Variants in HEATR3 observed in about 807,000 individuals in gnomAD.
The protein encoded by HEATR3 is HEAT repeat containing 3.
Under a neutral mutation model 72.8 loss-of-function variants are expected in HEATR3, and 56 were observed. The ratio of observed to expected loss-of-function variants is 0.77; its 90% CI spans 0.62 to 0.96. The LOEUF (loss-of-function observed/expected upper bound fraction) is 0.96, where lower values mean the gene tolerates loss of function less well. HEATR3 is among the 40% of genes least tolerant of loss of function. The probability of loss-of-function intolerance (pLI) is 0.00; values close to 1 mark genes in which losing one functional copy is unlikely to be tolerated. For missense variants in HEATR3, 747 were observed against 831.4 expected (o/e 0.90, Z 1.25); for synonymous variants, 331 against 318.1 (o/e 1.04, Z -0.43).
chr16:50,101,106 CTTTTTTTTTTTTCT>C, intron 13 of HEATR3, among the ~76,000 whole-genome samples: 1 of 144,382 alleles, frequency 6.9e-6, no homozygotes, highest in East Asian at 2.0e-4. Flanking sequence ...ACTTGCAAAG[CTTTTTTTTTTTTCT>C]TTTTTTTTCT....
At chr16:50,091,758 C>T (rs2037116833) in intron 11 of HEATR3, among the ~76,000 whole-genome samples, 1 of 151,240 alleles carries the variant, frequency 6.6e-6, no homozygotes, top group African/African-American at 2.4e-5. Context: ...CCTGTAGTCC[C>T]AGCTACTCGG....
chr16:50,100,639 G>A, intron 13 of HEATR3: 1 of 404,110 alleles, frequency 2.5e-6, no homozygotes, highest in Non-Finnish European at 4.4e-6. Context: ...TGTCTTTAGT[G>A]AAAGGGCAAA....
chr16:50,090,971 C>G (rs996456068), intron 11 of HEATR3, among the ~76,000 whole-genome samples: 1 of 151,570 alleles, frequency 6.6e-6, no homozygotes, highest in East Asian at 1.9e-4. Flanking sequence ...ATGGTGAAAT[C>G]CCGTCTCCAC....
intron 12 of HEATR3, 139 bp from the exon 13 acceptor site, chr16:50,100,091 G>A (rs2037332714): frequency 1.6e-6 from 1 of 643,590 alleles, no homozygotes; most frequent in Non-Finnish European, 2.3e-6. Flanking sequence ...CATATTAATA[G>A]TAACTTACCT....
intron 10 of HEATR3, 72 bp from the exon 11 acceptor site, chr16:50,086,143 C>A (rs923158855): frequency 2.1e-5 from 30 of 1,408,814 alleles, no homozygotes; most frequent in Non-Finnish European, 2.7e-5. Context: ...GAAGCTTAGG[C>A]TAAAAGTTAA....
Position 50,084,595 on chromosome 16 carries a change from C to A in HEATR3, c.1317C>A (p.Asn439Lys). The A allele has an allele frequency of 6.2e-7, 1 of 1,613,090 alleles. No homozygotes were observed. The highest frequency in any genetic ancestry group is 8.5e-7 in the Non-Finnish European group (1 of 1,179,454). Residue 439 changes from asparagine to lysine, a missense_variant, in exon 10 of 15, where the codon AAC becomes AAA. By Grantham distance (94) the Asn-to-Lys change is moderately conservative (BLOSUM62 0). Transcript: ENST00000299192. ...KKIFEKTAFP[N>K]SIAVDLCSRN... ...TTTTTGAGAAAACTGCCTTTCCAAA[C>A]AGCATTGCAGTTGACCTATGTTCTA...
In HEATR3 at chr16:50,105,238, C is replaced by T; in HGVS notation, c.*177C>T. 1 of 588,576 alleles carries T rather than the reference C, an allele frequency of 1.7e-6. No individual in the cohort carries two copies. The highest frequency in any genetic ancestry group is 2.8e-6 in the Non-Finnish European group (1 of 355,388). The allele number at this position is 588,576 out of a possible 1,614,324, so 36.5% of individuals were successfully genotyped here. A position where few individuals can be genotyped will look rare whatever the true frequency, so the allele number is the denominator to read the frequency against. ...GTGGCTCACGCCTATAATCCCAGCA[C>T]CTTGGGAGACCGAGGCGGGTGGATC... On this transcript the variant is annotated 3_prime_UTR_variant, in exon 15 of 15. Transcript: ENST00000299192.
chr16:50,086,150 T>C (rs1190459283), intron 10 of HEATR3, 65 bp from the exon 11 acceptor site: 2 of 1,461,584 alleles, frequency 1.4e-6, no homozygotes, highest in Non-Finnish European at 1.8e-6. Flanking sequence ...AGGCTAAAAG[T>C]TAATACTGAA....
chr16:50,107,195 A>G lies in HEATR3; in HGVS notation c.*2134A>G, dbSNP rs1411733110. Among the ~76,000 whole-genome samples the G allele has an allele frequency of 1.3e-5, 2 of 152,228 alleles. No individual in the cohort carries two copies. Among genetic ancestry groups the G allele is most frequent in the African/African-American group, 2.4e-5 (1 of 41,464 alleles). On this transcript the variant is annotated 3_prime_UTR_variant, in exon 15 of 15. Coordinates refer to ENST00000299192, the MANE Select transcript of HEATR3 (RefSeq NM_182922.4). ...CTGACCTATAAACAATATCCAGGAT[A>G]TTTAGCACAGGACCTAGTATATAGT... is the stretch of plus-strand genomic sequence containing the variant.
intron 11 of HEATR3, among the ~76,000 whole-genome samples, chr16:50,087,169 C>T (rs1465484136): frequency 6.6e-6 from 1 of 151,924 alleles, no homozygotes; most frequent in East Asian, 1.9e-4. Flanking sequence ...CGTGTGTATG[C>T]GGGCATGCGT....
In HEATR3 at chr16:50,068,484, G is replaced by A. The variant is rs564454893; in HGVS notation, c.312-296G>A. Reference sequence around the variant, plus strand: ...TCCAAGAAAAGGTCCCTTCATACATGATGTGATTTATTCACATGAGAAAAG... The same window carrying A: ...TCCAAGAAAAGGTCCCTTCATACATAATGTGATTTATTCACATGAGAAAAG... On this transcript the variant is annotated intron_variant, in intron 2 of 14. Transcript: ENST00000299192. Among the ~76,000 whole-genome samples the A allele has an allele frequency of 2.0e-5, 3 of 152,216 alleles. No homozygotes were observed. The East Asian group carries it at 5.8e-4, about 29-fold the overall frequency.
At position 50,079,028 on chromosome 16, in the gene HEATR3, G is replaced by A; in HGVS notation, c.1041+10G>A. On this transcript the variant is annotated intron_variant, in intron 7 of 14. Coordinates refer to ENST00000299192, the MANE Select transcript of HEATR3 (RefSeq NM_182922.4). ...TTCAGATTTACTTCCGGTAAGTCAGGTTGCTGTTCTCAAATATGGATTAAT... is the reference window on the plus strand; with the variant it reads ...TTCAGATTTACTTCCGGTAAGTCAGATTGCTGTTCTCAAATATGGATTAAT... The A allele has an allele frequency of 6.2e-7, 1 of 1,605,172 alleles. No individual in the cohort carries two copies. The highest frequency in any genetic ancestry group is 1.1e-5 in the South Asian group (1 of 90,140).
chr16:50,080,342 AT>A (rs554971616), intron 7 of HEATR3: 1,750 of 140,896 alleles, frequency 0.012, 17 homozygotes, highest in African/African-American at 0.028. Flanking sequence ...TTGCTCACAG[AT>A]TTTTTTTTTT....
chr16:50,090,212 C>T (rs1225405765), intron 11 of HEATR3, among the ~76,000 whole-genome samples: 1 of 151,842 alleles, frequency 6.6e-6, no homozygotes, highest in African/African-American at 2.4e-5. Context: ...TTTTAATTAG[C>T]CAGGAGTGGT....
At chr16:50,104,838 G>A in intron 14 of HEATR3, 101 bp from the exon 15 acceptor site, 1 of 1,080,008 alleles carries the variant, frequency 9.3e-7, no homozygotes, top group Non-Finnish European at 1.3e-6. Flanking sequence ...ACAGCTATCT[G>A]CTTCAGCAAA....
At chr16:50,096,734 G>A (rs541868381) in intron 12 of HEATR3, among the ~76,000 whole-genome samples, 2 of 152,200 alleles carry the variant, frequency 1.3e-5, no homozygotes, top group African/African-American at 2.4e-5. Flanking sequence ...GGGAGGTGGA[G>A]GTTGCAGTGA....
intron 2 of HEATR3, among the ~76,000 whole-genome samples, chr16:50,067,180 C>A: frequency 6.6e-6 from 1 of 151,900 alleles, no homozygotes; most frequent in African/African-American, 2.4e-5. Flanking sequence ...ATAGCAAGAC[C>A]CCGTCTGTAG....
chr16:50,098,666 A>C (rs2037299961), intron 12 of HEATR3, among the ~76,000 whole-genome samples: 1 of 151,882 alleles, frequency 6.6e-6, no homozygotes, highest in Non-Finnish European at 1.5e-5. Context: ...AAAAATAATA[A>C]TAATAATAAA....
chr16:50,084,445 C>T (rs768257487), intron 9 of HEATR3, 124 bp from the exon 10 acceptor site: 45 of 1,135,544 alleles, frequency 4.0e-5, no homozygotes, highest in Non-Finnish European at 4.4e-5. Context: ...TGGAAATAGG[C>T]GAAAAGGTCA....
Sources: gnomAD v4.1 joint callset for allele counts (sites outside exome capture counted in the v4.1 genomes callset) on GRCh38, gnomAD v4.1.1 for gene constraint, MANE v1.5 for transcripts, NCBI Gene and HGNC (gene_info 2026-07-23, HGNC 2026-07-21) for gene names.